SGCG: variants seen among roughly 807,000 people sequenced by gnomAD.
SGCG encodes gamma-sarcoglycan.
SGCG carries 26 observed loss-of-function variants against 29.3 expected under a neutral mutation model. That is an observed-to-expected ratio of 0.89 (90% CI 0.65 to 1.23). The LOEUF (loss-of-function observed/expected upper bound fraction) is 1.23. SGCG is among the 50% of genes most tolerant of loss of function. The pLI is 0.00. For missense variants in SGCG, 353 were observed against 356.0 expected (o/e 0.99, Z 0.07); for synonymous variants, 145 against 129.7 (o/e 1.12, Z -0.80).
At chr13:23,197,781 A>G (rs1877570987) in intron 1 of SGCG, among the ~76,000 whole-genome samples, 1 of 152,208 alleles carries the variant, frequency 6.6e-6, no homozygotes, top group Admixed American at 6.5e-5. Context: ...AAATATAGGA[A>G]AGACAATGGT....
intron 2 of SGCG, among the ~76,000 whole-genome samples, chr13:23,217,270 G>C (rs1454217649): frequency 6.6e-6 from 1 of 152,054 alleles, no homozygotes; most frequent in Non-Finnish European, 1.5e-5. Flanking sequence ...CTGTTTCAGA[G>C]CTACATGTTG....
intron 6 of SGCG, 126 bp from the exon 7 acceptor site, chr13:23,320,511 T>C (rs1882990811): frequency 3.8e-6 from 3 of 785,130 alleles, no homozygotes; most frequent in Admixed American, 2.2e-5. Context: ...ATGTTACCAT[T>C]TGAGAATGAC....
chr13:23,304,083 TTAAA>T (rs1451029380), intron 6 of SGCG, among the ~76,000 whole-genome samples: 2 of 152,160 alleles, frequency 1.3e-5, no homozygotes, highest in African/African-American at 4.8e-5. Context: ...TTTCTACTTT[TTAAA>T]AATACTTTTC....
intron 5 of SGCG, 99 bp from the exon 6 acceptor site, chr13:23,295,316 C>T (rs1881859131): frequency 9.6e-7 from 1 of 1,043,534 alleles, no homozygotes; most frequent in Non-Finnish European, 1.5e-6. Flanking sequence ...CAAGAAAGAA[C>T]AAAATCCATA....
intron 5 of SGCG, among the ~76,000 whole-genome samples, chr13:23,282,443 C>CAGGTTATT (rs1238219537): frequency 6.6e-6 from 1 of 152,096 alleles, no homozygotes; most frequent in Non-Finnish European, 1.5e-5. Flanking sequence ...GGTATTAACC[C>CAGGTTATT]AGGTTATTAG....
At chr13:23,216,340 A>G (rs2137519996) in intron 2 of SGCG, among the ~76,000 whole-genome samples, 1 of 152,250 alleles carries the variant, frequency 6.6e-6, no homozygotes, top group South Asian at 2.1e-4. Context: ...ATAATTTGGT[A>G]CCCAATAAAT....
intron 2 of SGCG, among the ~76,000 whole-genome samples, chr13:23,207,484 A>G (rs1369568221): frequency 6.6e-6 from 1 of 152,234 alleles, no homozygotes; most frequent in African/African-American, 2.4e-5. Flanking sequence ...TATACTAAAA[A>G]GCCTCTCTGC....
At chr13:23,270,158 G>A (rs1880816342) in intron 4 of SGCG, among the ~76,000 whole-genome samples, 1 of 152,220 alleles carries the variant, frequency 6.6e-6, no homozygotes, top group South Asian at 2.1e-4. Flanking sequence ...ACAGGCGTGA[G>A]CCACGTGCCC....
chr13:23,239,163 A>G (rs1308948131), intron 3 of SGCG, among the ~76,000 whole-genome samples: 1 of 152,166 alleles, frequency 6.6e-6, no homozygotes, highest in Non-Finnish European at 1.5e-5. Flanking sequence ...TACAAGGTAC[A>G]TTGTAATTAA....
chr13:23,230,104 C>A (rs908227414), intron 2 of SGCG, among the ~76,000 whole-genome samples: 1 of 152,044 alleles, frequency 6.6e-6, no homozygotes, highest in African/African-American at 2.4e-5. Context: ...GGTGTGTGGC[C>A]TTATTTCTGG....
chr13:23,320,529 C>A, intron 6 of SGCG, 108 bp from the exon 7 acceptor site: 1 of 909,550 alleles, frequency 1.1e-6, no homozygotes, highest in Non-Finnish European at 1.7e-6. Flanking sequence ...GACTTGAAGA[C>A]TTACATATCT....
At chr13:23,207,396 G>T (rs1878023167) in intron 2 of SGCG, among the ~76,000 whole-genome samples, 2 of 152,180 alleles carry the variant, frequency 1.3e-5, no homozygotes. Context: ...AAAGCTTCAT[G>T]ACATGGATCT....
chr13:23,177,319 C>A (rs1404041907), upstream of SGCG, among the ~76,000 whole-genome samples: 1 of 152,006 alleles, frequency 6.6e-6, no homozygotes, highest in Non-Finnish European at 1.5e-5. Context: ...ATAGTCAACA[C>A]AAAGGTATTG....
At chr13:23,260,743 G>A (rs143286826) in intron 4 of SGCG, among the ~76,000 whole-genome samples, 6,083 of 152,166 alleles carry the variant, frequency 0.04, 146 homozygotes, top group South Asian at 0.1. Flanking sequence ...CAGGCTTTGT[G>A]GTGACAAAAT....
intron 5 of SGCG, among the ~76,000 whole-genome samples, chr13:23,280,386 C>T (rs1450001111): frequency 6.6e-6 from 1 of 152,142 alleles, no homozygotes; most frequent in African/African-American, 2.4e-5. Flanking sequence ...CACAATACTA[C>T]CAATACTCCC....
At chr13:23,261,419 G>A (rs1401742444) in intron 4 of SGCG, among the ~76,000 whole-genome samples, 11 of 151,998 alleles carry the variant, frequency 7.2e-5, no homozygotes, top group East Asian at 3.9e-4. Flanking sequence ...TTCAGAGCTC[G>A]AAGACAAGTC....
In SGCG at chr13:23,203,687, C is replaced by T. The variant is rs745599370; in HGVS notation, c.1-8C>T. The T allele has an allele frequency of 1.4e-5, 23 of 1,606,870 alleles. No individual in the cohort carries two copies. Among genetic ancestry groups the T allele is most frequent in the East Asian group, 2.2e-5 (1 of 44,656 alleles). On this transcript the variant is annotated splice_polypyrimidine_tract_variant and splice_region_variant and intron_variant, in intron 1 of 7. Transcript: ENST00000218867. ...TCTCTCTCCTCTCGTGAACACACTC[C>T]GTGGCAGATGGTGCGTGAGCAGTAC... is the stretch of plus-strand genomic sequence containing the variant.
chr13:23,270,800 A>G (rs1369598286), intron 4 of SGCG, among the ~76,000 whole-genome samples: 1 of 152,156 alleles, frequency 6.6e-6, no homozygotes, highest in Non-Finnish European at 1.5e-5. Context: ...GTTTTCCTGT[A>G]GTGTTTGTAT....
intron 3 of SGCG, chr13:23,244,192 A>G (rs1879612448): frequency 6.6e-6 from 1 of 152,228 alleles, no homozygotes; most frequent in East Asian, 1.9e-4. Context: ...CCACCGTATC[A>G]GGATTACATA....
Sources: allele counts gnomAD v4.1 joint callset (sites outside exome capture counted in the v4.1 genomes callset), GRCh38; gene constraint gnomAD v4.1.1; transcripts MANE v1.5; gene names NCBI Gene and HGNC (gene_info 2026-07-23, HGNC 2026-07-21).